NEGR1: variants seen among roughly 807,000 people sequenced by gnomAD.
NEGR1 encodes IgLON family member 4.
In NEGR1, 10 loss-of-function variants were observed where a neutral mutation model predicts 40.9. The ratio of observed to expected loss-of-function variants is 0.24; its 90% CI spans 0.15 to 0.42. The LOEUF (loss-of-function observed/expected upper bound fraction) is 0.42. NEGR1 is among the 10% of genes least tolerant of loss of function. The probability of loss-of-function intolerance (pLI) is 1.00; values close to 1 mark genes in which losing one functional copy is unlikely to be tolerated. For synonymous variants in NEGR1, 185 were observed against 166.8 expected, an observed-to-expected ratio of 1.11 and a Z score of -0.84; for missense variants, 352 against 438.9, an observed-to-expected ratio of 0.80 and a Z score of 1.77.
chr1:71,419,121 A>C (rs6424427), intron 6 of NEGR1, among the ~76,000 whole-genome samples: 142,297 of 152,178 alleles, frequency 0.94, 66,932 homozygotes, highest in Non-Finnish European at 0.99. Context: ...ATAGTGTATT[A>C]TTGGACTGGC....
chr1:71,434,888 A>G (rs113495344), intron 6 of NEGR1, among the ~76,000 whole-genome samples: 13,291 of 152,158 alleles, frequency 0.087, 633 homozygotes, highest in East Asian at 0.18. Context: ...TCAGGAGATC[A>G]AGACCATCCT....
intron 2 of NEGR1, among the ~76,000 whole-genome samples, chr1:71,796,289 T>C (rs1481853768): frequency 6.6e-6 from 1 of 152,112 alleles, no homozygotes; most frequent in African/African-American, 2.4e-5. Context: ...CCTATTTACA[T>C]ACCTGGGCTG....
At chr1:71,879,138 A>AT (rs1445465688) in intron 2 of NEGR1, among the ~76,000 whole-genome samples, 1 of 151,938 alleles carries the variant, frequency 6.6e-6, no homozygotes, top group East Asian at 1.9e-4. Flanking sequence ...TGTCTCGAAA[A>AT]AAAAAAAAAA....
At chr1:72,028,380 T>C (rs1646830035) in intron 1 of NEGR1, among the ~76,000 whole-genome samples, 1 of 152,192 alleles carries the variant, frequency 6.6e-6, no homozygotes, top group African/African-American at 2.4e-5. Context: ...ACACAAAACA[T>C]CTATTTTTAG....
At chr1:71,842,315 A>C (rs576347488) in intron 2 of NEGR1, among the ~76,000 whole-genome samples, 72 of 152,218 alleles carry the variant, frequency 4.7e-4, no homozygotes, top group Non-Finnish European at 8.8e-4. Flanking sequence ...TCCACTACCT[A>C]TCCATTGAGC....
intron 6 of NEGR1, among the ~76,000 whole-genome samples, chr1:71,467,890 G>C (rs563477112): frequency 6.6e-6 from 1 of 152,008 alleles, no homozygotes; most frequent in Admixed American, 6.6e-5. Flanking sequence ...TGGAGTCATA[G>C]AGCACATTGT....
chr1:71,512,381 G>T (rs536209284), intron 6 of NEGR1, among the ~76,000 whole-genome samples: 54 of 151,946 alleles, frequency 3.6e-4, no homozygotes, highest in Non-Finnish European at 5.9e-4. Context: ...CAAGGAAAAA[G>T]AATCTGTACT....
At position 72,282,531 on chromosome 1, in the gene NEGR1, C is replaced by A. The variant is rs950823102; in HGVS notation, c.-37G>T. ...CTGCTCACTCTCCAGCAGCTTTCAG[C>A]TCGCACTCCCCCACCCCCTGGTGCT... is the stretch of plus-strand genomic sequence containing the variant. On this transcript the variant is annotated 5_prime_UTR_variant, in exon 1 of 7. Transcript: ENST00000357731. 1.3e-6 allele frequency: 2 copies of A among 1,564,734 alleles called. No individual in the cohort carries two copies. Among genetic ancestry groups the A allele is most frequent in the Non-Finnish European group, 1.7e-6 (2 of 1,149,902 alleles).
chr1:71,486,776 C>T (rs1646890650), intron 6 of NEGR1: 1 of 151,360 alleles, frequency 6.6e-6, no homozygotes, highest in African/African-American at 2.4e-5. Context: ...TAGCATGGTT[C>T]CTGGCAAGAA....
intron 1 of NEGR1, among the ~76,000 whole-genome samples, chr1:72,269,886 T>C (rs1432395797): frequency 6.6e-6 from 1 of 151,758 alleles, no homozygotes. Flanking sequence ...TGTAATCTCA[T>C]TTAAACAATT....
At chr1:71,759,981 T>C (rs1490011899) in intron 3 of NEGR1, among the ~76,000 whole-genome samples, 2 of 152,024 alleles carry the variant, frequency 1.3e-5, no homozygotes, top group African/African-American at 2.4e-5. Flanking sequence ...TCCCTATACA[T>C]GTAACATGAG....
intron 2 of NEGR1, among the ~76,000 whole-genome samples, chr1:71,779,590 G>A (rs1656628636): frequency 6.6e-6 from 1 of 150,968 alleles, no homozygotes; most frequent in Admixed American, 6.6e-5. Flanking sequence ...TTTTTTGACA[G>A]AGTCTCTCGC....
chr1:72,131,349 G>T (rs563233311), intron 1 of NEGR1, among the ~76,000 whole-genome samples: 115 of 152,204 alleles, frequency 7.6e-4, no homozygotes, highest in African/African-American at 2.5e-3. Context: ...ATTATAATAG[G>T]AGAACAAGAT....
intron 1 of NEGR1, among the ~76,000 whole-genome samples, chr1:71,968,357 T>C (rs1454806013): frequency 6.6e-6 from 1 of 152,212 alleles, no homozygotes; most frequent in African/African-American, 2.4e-5. Flanking sequence ...CTTTGGGATA[T>C]CAGATTTGTT....
chr1:71,921,392 C>A (rs1260793007), intron 2 of NEGR1, among the ~76,000 whole-genome samples: 1 of 152,018 alleles, frequency 6.6e-6, no homozygotes, highest in Non-Finnish European at 1.5e-5. Flanking sequence ...CAGGTTTAAA[C>A]TTCAAGAGTC....
At chr1:71,448,306 G>T (rs866837699) in intron 6 of NEGR1, among the ~76,000 whole-genome samples, 118 of 151,840 alleles carry the variant, frequency 7.8e-4, no homozygotes, top group African/African-American at 2.8e-3. Context: ...TTATTGGTAA[G>T]AAGTGGCTGA....
intron 6 of NEGR1, among the ~76,000 whole-genome samples, chr1:71,464,683 C>T (rs7544223): frequency 0.028 from 4,214 of 152,078 alleles, 80 homozygotes; most frequent in South Asian, 0.043. Context: ...CCATAAAGCA[C>T]GGAAAATGAG....
chr1:71,782,400 T>C (rs1656748318), intron 2 of NEGR1, among the ~76,000 whole-genome samples: 1 of 152,186 alleles, frequency 6.6e-6, no homozygotes, highest in Non-Finnish European at 1.5e-5. Context: ...AGAATGTGTC[T>C]TGTTGAAATA....
rs528732622 is a variant in NEGR1 at position 71,486,043 on chromosome 1, C to T, written c.941-78473G>A. On this transcript the variant is annotated intron_variant, in intron 6 of 6. Transcript: ENST00000357731. ...GTGGCTGTACAATTTTGCATGTCTA[C>T]CAGGAATGAATAAGAGTTCCAGGAA... 6.6e-5 allele frequency among the ~76,000 whole-genome samples: 10 copies of T among 151,688 alleles called. No individual in the cohort carries two copies. The South Asian group carries it at 2.1e-3, about 31-fold the overall frequency.
Sources: allele counts gnomAD v4.1 joint callset (sites outside exome capture counted in the v4.1 genomes callset), GRCh38; gene constraint gnomAD v4.1.1; transcripts MANE v1.5; gene names NCBI Gene and HGNC (gene_info 2026-07-23, HGNC 2026-07-21).